Variants in GPC3 observed in about 807,000 individuals in gnomAD.
The protein encoded by GPC3 is glypican 3.
In GPC3, 3 loss-of-function variants were observed where a neutral mutation model predicts 34.4. That is an observed-to-expected ratio of 0.09 (90% CI 0.04 to 0.23). The LOEUF (loss-of-function observed/expected upper bound fraction) is 0.23, where lower values mean the gene tolerates loss of function less well. GPC3 is among the 10% of genes least tolerant of loss of function. GPC3 has a pLI of 1.00. For synonymous variants in GPC3, 177 were observed against 174.0 expected, an observed-to-expected ratio of 1.02 and a Z score of -0.13; for missense variants, 351 against 445.6, an observed-to-expected ratio of 0.79 and a Z score of 1.91.
intron 6 of GPC3, among the ~76,000 whole-genome samples, chrX:133,643,636 T>C (rs192294254): frequency 2.8e-4 from 31 of 111,323 alleles, no homozygotes; most frequent in Non-Finnish European, 4.9e-4. Context: ...TTTTAAAAAA[T>C]TGGATTGTAC....
chrX:133,700,148 T>C (rs2071154328), intron 3 of GPC3, 120 bp from the exon 4 acceptor site: 1 of 547,202 alleles, frequency 1.8e-6, no homozygotes, highest in East Asian at 3.5e-5. Context: ...AAGCTATGAC[T>C]AGAGTCAAAA....
intron 2 of GPC3, among the ~76,000 whole-genome samples, chrX:133,836,068 G>A (rs2075797956): frequency 8.8e-6 from 1 of 113,540 alleles, no homozygotes; most frequent in African/African-American, 3.2e-5. Context: ...CTGACAAGAA[G>A]TTACAGCAAG....
chrX:133,699,798 A>C (rs1314540326), intron 4 of GPC3, 97 bp downstream of exon 4: 2 of 656,253 alleles, frequency 3.0e-6, no homozygotes, highest in African/African-American at 4.5e-5. Context: ...AGAAGAACTA[A>C]ATAACATGTA....
intron 2 of GPC3, among the ~76,000 whole-genome samples, chrX:133,774,841 C>T (rs1393762510): frequency 9.0e-6 from 1 of 111,531 alleles, no homozygotes; most frequent in Non-Finnish European, 1.9e-5. Context: ...TGGGATCTCA[C>T]TTATAACCAC....
chrX:133,706,853 G>T (rs1286254204), intron 3 of GPC3, among the ~76,000 whole-genome samples: 2 of 111,478 alleles, frequency 1.8e-5, no homozygotes, highest in African/African-American at 6.5e-5. Context: ...CCATTACTGG[G>T]TATATAGCTA....
At chrX:133,850,252 G>A (rs1163931078) in intron 2 of GPC3, among the ~76,000 whole-genome samples, 1 of 83,310 alleles carries the variant, frequency 1.2e-5, no homozygotes, top group African/African-American at 5.3e-5. Flanking sequence ...TACAGTTTAA[G>A]ATGAAAAAGA....
At chrX:133,646,270 G>A (rs2070544304) in intron 6 of GPC3, among the ~76,000 whole-genome samples, 1 of 111,106 alleles carries the variant, frequency 9.0e-6, no homozygotes, top group Admixed American at 9.6e-5. Context: ...TGAAAGCACT[G>A]GTAATCGGCT....
At chrX:133,958,676 G>A (rs5933362) in intron 1 of GPC3, among the ~76,000 whole-genome samples, 49,128 of 99,350 alleles carry the variant, frequency 0.49, 9,971 homozygotes, top group Middle Eastern at 0.69. Flanking sequence ...AACTACCAAC[G>A]CCTGGCCAAC....
chrX:133,681,662 A>G (rs1158738549), intron 5 of GPC3, among the ~76,000 whole-genome samples: 1 of 111,890 alleles, frequency 8.9e-6, no homozygotes, highest in Non-Finnish European at 1.9e-5. Context: ...CACAACAATG[A>G]CAACTGCCAG....
chrX:133,851,684 T>C (rs184068383), intron 2 of GPC3, among the ~76,000 whole-genome samples: 1 of 112,110 alleles, frequency 8.9e-6, no homozygotes, highest in East Asian at 2.8e-4. Flanking sequence ...GCTTCATCCT[T>C]ATTTGCATGC....
At chrX:133,795,301 G>A (rs980559661) in intron 2 of GPC3, among the ~76,000 whole-genome samples, 3 of 112,436 alleles carry the variant, frequency 2.7e-5, no homozygotes, top group Non-Finnish European at 5.6e-5. Context: ...GCCTGTCAGG[G>A]ACCATGTCTT....
At chrX:133,569,028 C>T (rs1000069257) in intron 7 of GPC3, among the ~76,000 whole-genome samples, 22 of 110,727 alleles carry the variant, frequency 2.0e-4, no homozygotes, top group African/African-American at 6.2e-4. Context: ...TTAGCATGGG[C>T]GTGGTGGCGA....
At chrX:133,747,944 T>C (rs147548413) in intron 3 of GPC3, among the ~76,000 whole-genome samples, 1,566 of 112,282 alleles carry the variant, frequency 0.014, 28 homozygotes, top group African/African-American at 0.047. Flanking sequence ...GAGGAAGCAC[T>C]AACTCTGAGA....
chrX:133,884,084 A>G (rs1374935644), intron 2 of GPC3, among the ~76,000 whole-genome samples: 1 of 111,716 alleles, frequency 9.0e-6, no homozygotes. Context: ...TATTAAGTCT[A>G]TAGTCCAGAG....
chrX:133,882,251 CCT>C (rs2076045090), intron 2 of GPC3, among the ~76,000 whole-genome samples: 2 of 111,274 alleles, frequency 1.8e-5, no homozygotes, highest in Non-Finnish European at 3.8e-5. Flanking sequence ...AGTGCCAGAC[CCT>C]GAGTCGATTT....
chrX:133,899,269 G>GGGTACAT (rs958318992), intron 2 of GPC3, among the ~76,000 whole-genome samples: 3 of 111,710 alleles, frequency 2.7e-5, no homozygotes, highest in Non-Finnish European at 3.8e-5. Flanking sequence ...ACACAGAGCT[G>GGGTACAT]GGTGTATATT....
intron 4 of GPC3, among the ~76,000 whole-genome samples, chrX:133,698,235 A>G (rs774653499): frequency 2.0e-4 from 23 of 112,221 alleles, no homozygotes; most frequent in African/African-American, 6.8e-4. Context: ...AAAATATGAA[A>G]GCTAGAAGGG....
chrX:133,560,537 G>A (rs752374852), intron 7 of GPC3, among the ~76,000 whole-genome samples: 44 of 112,063 alleles, frequency 3.9e-4, no homozygotes, highest in Non-Finnish European at 6.6e-4. Context: ...TCAGGAGATC[G>A]AGACAAACTT....
chrX:133,807,469 A>G (rs899822162), intron 2 of GPC3, among the ~76,000 whole-genome samples: 2 of 112,026 alleles, frequency 1.8e-5, no homozygotes, highest in African/African-American at 6.5e-5. Context: ...GGACTAAGAC[A>G]CCAGGGGGAA....
Sources: allele counts gnomAD v4.1 joint callset (sites outside exome capture counted in the v4.1 genomes callset), GRCh38; gene constraint gnomAD v4.1.1; transcripts MANE v1.5; gene names NCBI Gene and HGNC (gene_info 2026-07-23, HGNC 2026-07-21).